ARHGEF18: variants seen among roughly 807,000 people sequenced by gnomAD.
The protein encoded by ARHGEF18 is Rho/Rac guanine nucleotide exchange factor 18.
Under a neutral mutation model 155.7 loss-of-function variants are expected in ARHGEF18, and 93 were observed. That is an observed-to-expected ratio of 0.60 (90% CI 0.50 to 0.71). ARHGEF18 has a LOEUF of 0.71. ARHGEF18 is among the 30% of genes least tolerant of loss of function. The pLI, the probability that ARHGEF18 is intolerant of heterozygous loss-of-function variation, is 0.00. For missense variants in ARHGEF18, 1,593 were observed against 1,816.1 expected, an observed-to-expected ratio of 0.88 and a Z score of 2.23; for synonymous variants, 742 against 753.1, an observed-to-expected ratio of 0.99 and a Z score of 0.24.
Position 7,470,368 on chromosome 19 carries a change from A to G in ARHGEF18, c.*70A>G. Reference sequence around the variant, plus strand: ...CCCTTCCTGCTCTCTGGGGACCCCCATGGGGTCACCATGCCCACCCAGCTG... The same window carrying G: ...CCCTTCCTGCTCTCTGGGGACCCCCGTGGGGTCACCATGCCCACCCAGCTG... On this transcript the variant is annotated 3_prime_UTR_variant, in exon 29 of 29. Transcript: ENST00000668164. The surrounding 1 kb of genome is among the most constrained non-coding windows in gnomAD (Gnocchi z 5.9). The G allele has an allele frequency of 7.7e-7, 1 of 1,296,822 alleles. No homozygotes were observed. The highest frequency in any genetic ancestry group is 9.9e-7 in the Non-Finnish European group (1 of 1,011,214). The allele number at this position is 1,296,822 out of a possible 1,614,324, so 80.3% of individuals were successfully genotyped here.
intron 10 of ARHGEF18, among the ~76,000 whole-genome samples, chr19:7,411,285 T>C (rs117043415): frequency 1.7e-4 from 22 of 131,278 alleles, no homozygotes; most frequent in African/African-American, 3.4e-4. Context: ...CCTTTCCCTT[T>C]CCCTCCCCTC....
At chr19:7,419,870 G>A (rs764703234) in intron 10 of ARHGEF18, among the ~76,000 whole-genome samples, 14 of 149,514 alleles carry the variant, frequency 9.4e-5, no homozygotes, top group Non-Finnish European at 1.9e-4. Flanking sequence ...TGCCTGGAGT[G>A]GAAGCACCTG....
intron 3 of ARHGEF18, among the ~76,000 whole-genome samples, chr19:7,375,126 G>A (rs549504834): frequency 1.0e-3 from 156 of 152,176 alleles, no homozygotes; most frequent in African/African-American, 3.7e-3. Context: ...ACAAAAATTA[G>A]CTGGGCATGG....
chr19:7,460,749 G>C (rs1050485193), intron 20 of ARHGEF18, among the ~76,000 whole-genome samples: 7 of 151,870 alleles, frequency 4.6e-5, no homozygotes, highest in African/African-American at 7.3e-5. Context: ...CCTGCGGCAA[G>C]CTCCCTTCTT....
Position 7,471,737 on chromosome 19 carries a change from C to T in ARHGEF18, c.*1439C>T, listed in dbSNP as rs112625209. The T allele has an allele frequency of 0.017, 2,640 of 152,368 alleles. 72 individuals carry two copies. Among genetic ancestry groups the T allele is most frequent in the African/African-American group, 0.06 (2,475 of 41,548 alleles). 9.4% of individuals were successfully genotyped at this position (152,368 alleles called of 1,614,324 possible). On this transcript the variant is annotated 3_prime_UTR_variant, in exon 29 of 29. Coordinates refer to ENST00000668164, the MANE Select transcript of ARHGEF18 (RefSeq NM_001367823.1). This position sits in a 1 kb window ranked among gnomAD's most constrained non-coding sequence, Gnocchi z 4.4. ...CAGGAAGTGCTCCCCTGGGCAGAGGCGCCCACTGGGTGCTGTGGGCTCAGG... is the reference window on the plus strand; with the variant it reads ...CAGGAAGTGCTCCCCTGGGCAGAGGTGCCCACTGGGTGCTGTGGGCTCAGG...
chr19:7,382,919 C>A (rs1681043171), intron 9 of ARHGEF18, 25 bp downstream of exon 9: 2 of 1,232,188 alleles, frequency 1.6e-6, no homozygotes, highest in Non-Finnish European at 2.0e-6. Context: ...GCCACGGGGG[C>A]CCTCCTCTGC....
chr19:7,443,301 C>T (rs1204069822), intron 13 of ARHGEF18, among the ~76,000 whole-genome samples: 2 of 152,162 alleles, frequency 1.3e-5, no homozygotes, highest in Non-Finnish European at 2.9e-5. Flanking sequence ...ATGATCCTCC[C>T]ACCTTGGCCT....
At chr19:7,358,636 C>T (rs116414050) in intron 1 of ARHGEF18, among the ~76,000 whole-genome samples, 1,929 of 152,310 alleles carry the variant, frequency 0.013, 33 homozygotes, top group African/African-American at 0.043. Context: ...TGTGCCCAAC[C>T]CAACACAGCA....
chr19:7,477,305 C>T (rs757487438), downstream of ARHGEF18: 25 of 1,565,226 alleles, frequency 1.6e-5, no homozygotes, highest in South Asian at 2.2e-4. Flanking sequence ...CGGCGGGAAG[C>T]GGCCGGCCCA....
At chr19:7,373,246 G>T (rs1970280323) in intron 3 of ARHGEF18, among the ~76,000 whole-genome samples, 175 bp downstream of exon 3, 1 of 152,204 alleles carries the variant, frequency 6.6e-6, no homozygotes, top group Non-Finnish European at 1.5e-5. Context: ...GACCCAGGGG[G>T]ACAGGGGATA....
In ARHGEF18 at chr19:7,401,587, C is replaced by T. The variant is rs529758107; in HGVS notation, c.967+18384C>T. Among the ~76,000 whole-genome samples, 39 of 152,274 alleles carry T rather than the reference C, an allele frequency of 2.6e-4. No homozygotes were observed. The East Asian group carries it at 7.5e-3, about 29-fold the overall frequency. ...TATAGGCATGAGCCATTGTGCCCAT[C>T]CCTAAGAGAGATGGGAAGATGGAAA... On this transcript the variant is annotated intron_variant, in intron 10 of 28. Coordinates refer to ENST00000668164, the MANE Select transcript of ARHGEF18 (RefSeq NM_001367823.1).
intron 10 of ARHGEF18, among the ~76,000 whole-genome samples, chr19:7,411,598 T>C (rs11260060): frequency 0.53 from 80,531 of 151,728 alleles, 22,075 homozygotes; most frequent in Middle Eastern, 0.73. Flanking sequence ...TCAGCCACCG[T>C]GCCCAGCCAA....
chr19:7,422,261 A>C (rs1042666435), intron 10 of ARHGEF18, among the ~76,000 whole-genome samples: 2 of 151,930 alleles, frequency 1.3e-5, no homozygotes, highest in African/African-American at 4.8e-5. Flanking sequence ...GGCAGCATGT[A>C]AAACGCCACG....
At position 7,440,442 on chromosome 19, in the gene ARHGEF18, C is replaced by A; in HGVS notation, c.1066C>A (p.Gln356Lys). 1 of 1,601,170 alleles carries A rather than the reference C, an allele frequency of 6.2e-7. No homozygotes were observed. The highest frequency in any genetic ancestry group is 1.3e-5 in the African/African-American group (1 of 75,056). ...GMTVSQKGGP[Q>K]PTPSPAGPGT... is the part of the protein sequence containing the mutation. ...GACGGTCTCTCAGAAAGGGGGTCCCCAGCCAACACCGAGCCCGGCTGGCCC... is the reference window on the plus strand; with the variant it reads ...GACGGTCTCTCAGAAAGGGGGTCCCAAGCCAACACCGAGCCCGGCTGGCCC... The change falls in exon 11 of 29, where the codon CAG (glutamine) becomes AAG (lysine). Residue 356 changes from glutamine (Q) to lysine (K), a missense_variant. Gln to Lys is a moderately conservative substitution (Grantham distance 53, BLOSUM62 1). Coordinates refer to ENST00000668164, the MANE Select transcript of ARHGEF18 (RefSeq NM_001367823.1). The surrounding 1 kb of genome is among the most constrained non-coding windows in gnomAD (Gnocchi z 5.4).
chr19:7,380,253 C>T (rs972170581), intron 7 of ARHGEF18, among the ~76,000 whole-genome samples: 14 of 151,508 alleles, frequency 9.2e-5, no homozygotes, highest in African/African-American at 2.7e-4. Flanking sequence ...CCAAGGCGGG[C>T]GGATCACGAG....
At chr19:7,427,646 A>G in intron 10 of ARHGEF18, among the ~76,000 whole-genome samples, 1 of 129,712 alleles carries the variant, frequency 7.7e-6, no homozygotes, top group East Asian at 2.4e-4. Flanking sequence ...CCCTGTCTCT[A>G]AAAAAAAAAA....
intron 10 of ARHGEF18, among the ~76,000 whole-genome samples, chr19:7,405,722 C>T (rs982468026): frequency 2.6e-5 from 4 of 152,080 alleles, no homozygotes; most frequent in East Asian, 1.9e-4. Context: ...GCAATCCTCC[C>T]GCCTCAGCCT....
At chr19:7,405,867 C>T (rs1009096025) in intron 10 of ARHGEF18, among the ~76,000 whole-genome samples, 84 of 152,276 alleles carry the variant, frequency 5.5e-4, no homozygotes, top group African/African-American at 2.0e-3. Context: ...AGGGATCCTG[C>T]TTCAGCCTCC....
At chr19:7,420,338 C>T (rs1973278758) in intron 10 of ARHGEF18, among the ~76,000 whole-genome samples, 1 of 152,190 alleles carries the variant, frequency 6.6e-6, no homozygotes, top group Admixed American at 6.5e-5. Flanking sequence ...TCTGCAACCT[C>T]CACCTACCAG....
Sources: allele counts gnomAD v4.1 joint callset (sites outside exome capture counted in the v4.1 genomes callset), GRCh38; gene constraint gnomAD v4.1.1; non-coding constraint Gnocchi (gnomAD v3.1); transcripts MANE v1.5; gene names NCBI Gene and HGNC (gene_info 2026-07-23, HGNC 2026-07-21).